MIB2: variants seen among roughly 807,000 people sequenced by gnomAD.
The protein encoded by MIB2 is E3 ubiquitin-protein ligase MIB2.
A neutral mutation model predicts 96.6 loss-of-function variants in MIB2; 78 were observed. That is an observed-to-expected ratio of 0.81 (90% CI 0.67 to 0.97). The LOEUF (loss-of-function observed/expected upper bound fraction) is 0.97, where lower values mean the gene tolerates loss of function less well. Among genes scored for constraint, MIB2 ranks in the 50% least tolerant of loss-of-function variants. The pLI is 0.00. For missense variants in MIB2, 1,543 were observed against 1,424.0 expected (o/e 1.08, Z -1.35); for synonymous variants, 820 against 629.5 (o/e 1.30, Z -4.53).
In MIB2 at chr1:1,623,765, C is replaced by A; in HGVS notation, c.248-9C>A. On this transcript the variant is annotated splice_polypyrimidine_tract_variant and intron_variant, in intron 3 of 19. Transcript: ENST00000355826. ...CGGGAACGCCCCTCTGACCCCACCC[C>A]ACCCCCAGGCGTCCGGCACCCCAAC... The A allele has an allele frequency of 6.3e-7, 1 of 1,585,182 alleles. No homozygotes were observed. Among genetic ancestry groups the A allele is most frequent in the Non-Finnish European group, 8.6e-7 (1 of 1,167,026 alleles).
At chr1:1,616,314 A>G (rs1643667583) in intron 1 of MIB2, 194 bp from the exon 2 acceptor site, 2 of 436,092 alleles carry the variant, frequency 4.6e-6, no homozygotes, top group South Asian at 5.5e-5. Flanking sequence ...GGCGCACGCA[A>G]TTACGGGCCC....
chr1:1,627,601 C>A, intron 12 of MIB2, 72 bp from the exon 13 acceptor site: 1 of 1,522,446 alleles, frequency 6.6e-7, no homozygotes, highest in South Asian at 1.2e-5. Context: ...GGGGTCGGGC[C>A]TGGCGGGGCT....
chr1:1,625,479 G>GC lies in MIB2; in HGVS notation c.864+56dup. On this transcript the variant is annotated intron_variant, in intron 7 of 19. Transcript: ENST00000355826. This position sits in a 1 kb window ranked among gnomAD's most constrained non-coding sequence, Gnocchi z 5.0. ...GTGTGCCCTGCCCTCCCAGCCCTCC[G>GC]CCCCCTCAGCCCCTTCCTCCCCAAG... 1.3e-6 allele frequency: 1 copy of GC among 742,228 alleles called. No homozygotes were observed. The allele number at this position is 742,228 out of a possible 1,614,324, so 46.0% of individuals were successfully genotyped here.
intron 2 of MIB2, among the ~76,000 whole-genome samples, chr1:1,621,104 G>A (rs1319760517): frequency 6.6e-6 from 1 of 152,254 alleles, no homozygotes; most frequent in Non-Finnish European, 1.5e-5. Context: ...CATTCATGCA[G>A]CCATTCAGTC....
chr1:1,615,603 G>C lies in MIB2; in HGVS notation c.-160G>C. 2 of 1,567,754 alleles carry C rather than the reference G, an allele frequency of 1.3e-6. No homozygotes were observed. Among genetic ancestry groups the C allele is most frequent in the Non-Finnish European group, 8.6e-7 (1 of 1,161,286 alleles). On this transcript the variant is annotated 5_prime_UTR_variant, in exon 1 of 20. Transcript: ENST00000355826. Reference sequence around the variant, plus strand: ...GTCCCCGAGTCGCTCCTAGGTCACTGGCGCGATGCGGGCCGTCCTCTCGGC... The same window carrying C: ...GTCCCCGAGTCGCTCCTAGGTCACTCGCGCGATGCGGGCCGTCCTCTCGGC...
chr1:1,624,566 G>A lies in MIB2; in HGVS notation c.420-229G>A, dbSNP rs189330343. The stretch of plus-strand genomic sequence containing the variant: ...GCATCAGGGAAGTCCCTGGAGGAAC[G>A]TGGTCCGCAGGTTCGCTCCAGGCCC... On this transcript the variant is annotated intron_variant, in intron 4 of 19. Transcript: ENST00000355826. Among the ~76,000 whole-genome samples, 75 of 152,286 alleles carry A rather than the reference G, an allele frequency of 4.9e-4. 1 individual carries two copies. The highest frequency in any genetic ancestry group is 1.7e-3 in the African/African-American group (70 of 41,568).
At chr1:1,629,743 A>G in intron 19 of MIB2, 39 bp downstream of exon 19, 5 of 1,536,138 alleles carry the variant, frequency 3.3e-6, no homozygotes, top group South Asian at 1.3e-5. Context: ...CCTCCTGCTC[A>G]GCTGGTGGCC....
At chr1:1,616,742 G>C (rs1353662742) in intron 2 of MIB2, 128 bp downstream of exon 2, 13 of 696,200 alleles carry the variant, frequency 1.9e-5, no homozygotes, top group South Asian at 1.7e-4. Context: ...GGAGTGGTGA[G>C]TAATCCCGCG....
Position 1,623,771 on chromosome 1 carries a change from C to T in MIB2, c.248-3C>T. Reference sequence around the variant, plus strand: ...CGCCCCTCTGACCCCACCCCACCCCCAGGCGTCCGGCACCCCAACATCATC... The same window carrying T: ...CGCCCCTCTGACCCCACCCCACCCCTAGGCGTCCGGCACCCCAACATCATC... On this transcript the variant is annotated splice_region_variant and splice_polypyrimidine_tract_variant and intron_variant, in intron 3 of 19. Coordinates refer to ENST00000355826, the MANE Select transcript of MIB2 (RefSeq NM_001170687.4). 1 of 1,591,066 alleles carries T rather than the reference C, an allele frequency of 6.3e-7. No homozygotes were observed. Among genetic ancestry groups the T allele is most frequent in the South Asian group, 1.1e-5 (1 of 87,686 alleles).
intron 16 of MIB2, 80 bp downstream of exon 16, chr1:1,628,802 C>A: frequency 8.1e-7 from 1 of 1,227,398 alleles, no homozygotes; most frequent in Non-Finnish European, 1.1e-6. Flanking sequence ...GTGCCACTGT[C>A]CACCTTCCCC....
At position 1,628,630 on chromosome 1, in the gene MIB2, GCCCTGCACGTGGCGCTGCAGCGT is replaced by G; in HGVS notation, c.2112_2134del (p.Leu705SerfsTer8). 6.3e-7 allele frequency: 1 copy of G among 1,597,440 alleles called. No individual in the cohort carries two copies. Among genetic ancestry groups the G allele is most frequent in the Non-Finnish European group, 8.5e-7 (1 of 1,175,674 alleles). ...CGCCGAGGACGAGGAGGGGGACACA[GCCCTGCACGTGGCGCTGCAGCGT>G]CATCAGCTGCTGCCCCTGGTGGCTG... is the stretch of plus-strand genomic sequence containing the variant. On this transcript the variant is annotated frameshift_variant, in exon 16 of 20. Coordinates refer to ENST00000355826, the MANE Select transcript of MIB2 (RefSeq NM_001170687.4). LOFTEE classifies it high-confidence loss of function.
chr1:1,621,413 C>G (rs894006474), intron 2 of MIB2, among the ~76,000 whole-genome samples: 1 of 152,248 alleles, frequency 6.6e-6, no homozygotes, highest in Non-Finnish European at 1.5e-5. Flanking sequence ...GCCCACGGGA[C>G]CCCTCTCCTT....
Position 1,625,659 on chromosome 1 carries a change from G to A in MIB2, c.972+6G>A, listed in dbSNP as rs372131988. 8 of 1,546,882 alleles carry A rather than the reference G, an allele frequency of 5.2e-6. No individual in the cohort carries two copies. Among genetic ancestry groups the A allele is most frequent in the Admixed American group, 1.9e-5 (1 of 51,470 alleles). On this transcript the variant is annotated splice_donor_region_variant and intron_variant, in intron 8 of 19. Coordinates refer to ENST00000355826, the MANE Select transcript of MIB2 (RefSeq NM_001170687.4). This position sits in a 1 kb window ranked among gnomAD's most constrained non-coding sequence, Gnocchi z 5.0. ...ACCCCGGGGCGCTCACCAAGGTGCC[G>A]GGGGGGCTGGGCTGCGCCTCATCTG...
rs1569814978 is a variant in MIB2 at position 1,626,527 on chromosome 1, T to C, written c.973-123T>C. 9.9e-6 allele frequency: 8 copies of C among 809,818 alleles called. No individual in the cohort carries two copies. Among genetic ancestry groups the C allele is most frequent in the Non-Finnish European group, 1.5e-5 (8 of 529,866 alleles). The allele number at this position is 809,818 out of a possible 1,614,324, so 50.2% of individuals were successfully genotyped here. ...CCTCTGGCAGTGCCTGGGGTCGGGG[T>C]CGGGGCCGGGGCCGAGTCAGGCCTG... is the stretch of plus-strand genomic sequence containing the variant. On this transcript the variant is annotated intron_variant, in intron 8 of 19. Transcript: ENST00000355826. The surrounding 1 kb of genome is among the most constrained non-coding windows in gnomAD (Gnocchi z 5.3).
chr1:1,629,737 C>A (rs764418570), intron 19 of MIB2, 33 bp downstream of exon 19: 9 of 1,545,692 alleles, frequency 5.8e-6, no homozygotes, highest in Non-Finnish European at 7.0e-6. Context: ...AACACGCCTC[C>A]TGCTCAGCTG....
Position 1,625,792 on chromosome 1 carries a change from C to G in MIB2, c.972+139C>G. On this transcript the variant is annotated intron_variant, in intron 8 of 19. Transcript: ENST00000355826. This position sits in a 1 kb window ranked among gnomAD's most constrained non-coding sequence, Gnocchi z 5.0. ...CCCAGCCCTGAAGGAAGGGGAGGGA[C>G]TGGTGGGTGGAGGTGGGTGGGGTCA... is the stretch of plus-strand genomic sequence containing the variant. 1.4e-6 allele frequency: 1 copy of G among 704,916 alleles called. No individual in the cohort carries two copies. Among genetic ancestry groups the G allele is most frequent in the East Asian group, 2.7e-5 (1 of 36,508 alleles). The allele number at this position is 704,916 out of a possible 1,614,324, so 43.7% of individuals were successfully genotyped here.
chr1:1,623,692 C>T lies in MIB2; in HGVS notation c.240C>T (p.Ala80=). The change falls in exon 3 of 20, where the codon GCC becomes GCT. Residue 80 remains alanine, a synonymous_variant. Transcript: ENST00000355826. ...ACGACCTGCTGCTGTACGACAACGC[C>T]CAGATCGGTGCGCGCCAAGGGCAGG... ...GAHDLLLYDN[A]QIGVRHPNII... 6.6e-7 allele frequency: 1 copy of T among 1,511,344 alleles called. No individual in the cohort carries two copies. Among genetic ancestry groups the T allele is most frequent in the Non-Finnish European group, 8.9e-7 (1 of 1,127,384 alleles). The allele number at this position is 1,511,344 out of a possible 1,614,324, so 93.6% of individuals were successfully genotyped here. A position where few individuals can be genotyped will look rare whatever the true frequency, so the allele number is the denominator to read the frequency against.
At position 1,627,410 on chromosome 1, in the gene MIB2, G is replaced by A. The variant is rs772788906; in HGVS notation, c.1489G>A (p.Glu497Lys). Reference sequence around the variant, plus strand: ...GGCGGGCGTGGACCTGCCGGACGACGAGGGCAACACGGCACTGCACTACGC... The same window carrying A: ...GGCGGGCGTGGACCTGCCGGACGACAAGGGCAACACGGCACTGCACTACGC... ...ARAGVDLPDD[E>K]GNTALHYAAL... The change falls in exon 12 of 20, where the codon GAG (glutamate) becomes AAG (lysine). Residue 497 changes from glutamate (E) to lysine (K), a missense_variant. Coordinates refer to ENST00000355826, the MANE Select transcript of MIB2 (RefSeq NM_001170687.4). The A allele has an allele frequency of 3.7e-6, 6 of 1,612,856 alleles. No homozygotes were observed. Among genetic ancestry groups the A allele is most frequent in the Non-Finnish European group, 4.2e-6 (5 of 1,179,900 alleles).
chr1:1,623,560 G>A lies in MIB2; in HGVS notation c.108G>A (p.Val36=). 2 of 1,527,330 alleles carry A rather than the reference G, an allele frequency of 1.3e-6. No individual in the cohort carries two copies. The highest frequency in any genetic ancestry group is 1.8e-6 in the Non-Finnish European group (2 of 1,138,506). The allele number at this position is 1,527,330 out of a possible 1,614,324, so 94.6% of individuals were successfully genotyped here. A position where few individuals can be genotyped will look rare whatever the true frequency, so the allele number is the denominator to read the frequency against. The change falls in exon 3 of 20, where the codon GTG becomes GTA. Residue 36 remains valine, a synonymous_variant. Transcript: ENST00000355826. ...QDGGEGGVGT[V]VELGRHGSPS... ...GCGGCGAGGGCGGCGTGGGCACGGT[G>A]GTGGAGCTTGGCCGCCACGGCAGCC...
Sources: gnomAD v4.1 joint callset for allele counts (sites outside exome capture counted in the v4.1 genomes callset) on GRCh38, gnomAD v4.1.1 for gene constraint, Gnocchi (gnomAD v3.1) non-coding constraint, MANE v1.5 for transcripts, NCBI Gene and HGNC (gene_info 2026-07-23, HGNC 2026-07-21) for gene names.